ABRAXAS1: variants seen among roughly 807,000 people sequenced by gnomAD.
The protein encoded by ABRAXAS1 is abraxas 1, BRCA1 A complex subunit.
In ABRAXAS1, 26 loss-of-function variants were observed where a neutral mutation model predicts 38.4. That is an observed-to-expected ratio of 0.68 (90% CI 0.50 to 0.94). ABRAXAS1 has a LOEUF of 0.94. Ranked by LOEUF, ABRAXAS1 falls within the 40% of genes least tolerant of loss-of-function variation. The probability of loss-of-function intolerance (pLI) is 0.00; values close to 1 mark genes in which losing one functional copy is unlikely to be tolerated. For missense variants in ABRAXAS1, 438 were observed against 481.9 expected, an observed-to-expected ratio of 0.91 and a Z score of 0.85; for synonymous variants, 144 against 165.5, an observed-to-expected ratio of 0.87 and a Z score of 1.00.
intron 7 of ABRAXAS1, among the ~76,000 whole-genome samples, chr4:83,465,760 C>A (rs1368741954): frequency 6.6e-6 from 1 of 152,096 alleles, no homozygotes; most frequent in Non-Finnish European, 1.5e-5. Flanking sequence ...TGCTCTCCAG[C>A]CTGGGTAACA....
chr4:83,472,695 C>CA (rs1344925189), intron 3 of ABRAXAS1, among the ~76,000 whole-genome samples: 1 of 152,046 alleles, frequency 6.6e-6, no homozygotes, highest in Non-Finnish European at 1.5e-5. Context: ...AGCACAATAA[C>CA]AAAAAGACTA....
intron 2 of ABRAXAS1, chr4:83,477,636 C>G: frequency 5.8e-6 from 3 of 514,014 alleles, no homozygotes; most frequent in Non-Finnish European, 7.6e-6. Flanking sequence ...TGGACCTTGC[C>G]AAAACACGAC....
chr4:83,467,660 AT>A, intron 6 of ABRAXAS1, 122 bp from the exon 7 acceptor site: 1 of 605,990 alleles, frequency 1.7e-6, no homozygotes. Context: ...AGGAACCATA[AT>A]TTTGTCAATC....
intron 3 of ABRAXAS1, among the ~76,000 whole-genome samples, chr4:83,475,787 C>A (rs569454420): frequency 6.6e-6 from 1 of 152,170 alleles, no homozygotes; most frequent in South Asian, 2.1e-4. Context: ...TACTTTTCTA[C>A]GTGTATGTTA....
rs1722045869 is a variant in ABRAXAS1, at chr4:83,460,455, C to G, written c.*2014G>C. On this transcript the variant is annotated 3_prime_UTR_variant, in exon 9 of 9. Coordinates refer to ENST00000321945, the MANE Select transcript of ABRAXAS1 (RefSeq NM_139076.3). ...CAGGTGTGAGCCACTGCACCCAACC[C>G]CACTTGTTTTTGTAGTTTTGTTTAC... 2 of 153,494 alleles carry G rather than the reference C, an allele frequency of 1.3e-5. No homozygotes were observed. Among genetic ancestry groups the G allele is most frequent in the Admixed American group, 1.3e-4 (2 of 15,328 alleles). 9.5% of individuals were successfully genotyped at this position (153,494 alleles called of 1,614,324 possible).
In ABRAXAS1 at chr4:83,461,910, A is replaced by G. The variant is rs1193726658; in HGVS notation, c.*559T>C. ...TTTAAATTTTAGATGATGTTTTGCA[A>G]ATTTATTGCATGATATCCAGCATTT... On this transcript the variant is annotated 3_prime_UTR_variant, in exon 9 of 9. Coordinates refer to ENST00000321945, the MANE Select transcript of ABRAXAS1 (RefSeq NM_139076.3). 3 of 229,574 alleles carry G rather than the reference A, an allele frequency of 1.3e-5. No individual in the cohort carries two copies. Among genetic ancestry groups the G allele is most frequent in the Non-Finnish European group, 2.6e-5 (3 of 115,964 alleles). 14.2% of individuals were successfully genotyped at this position (229,574 alleles called of 1,614,324 possible).
At position 83,460,466 on chromosome 4, in the gene ABRAXAS1, T is replaced by G. The variant is rs1354735681; in HGVS notation, c.*2003A>C. 2 of 153,976 alleles carry G rather than the reference T, an allele frequency of 1.3e-5. No individual in the cohort carries two copies. The highest frequency in any genetic ancestry group is 4.8e-5 in the African/African-American group (2 of 41,448). The allele number at this position is 153,976 out of a possible 1,614,324, so 9.5% of individuals were successfully genotyped here. A position where few individuals can be genotyped will look rare whatever the true frequency, so the allele number is the denominator to read the frequency against. On this transcript the variant is annotated 3_prime_UTR_variant, in exon 9 of 9. Transcript: ENST00000321945. ...CACTGCACCCAACCCCACTTGTTTT[T>G]GTAGTTTTGTTTACGTAGTGCCATA...
intron 7 of ABRAXAS1, among the ~76,000 whole-genome samples, chr4:83,465,167 G>A (rs998354499): frequency 6.6e-6 from 1 of 151,712 alleles, no homozygotes; most frequent in Non-Finnish European, 1.5e-5. Context: ...GTAGTGGTGG[G>A]TGCGTGTAAT....
intron 3 of ABRAXAS1, among the ~76,000 whole-genome samples, chr4:83,473,948 G>A (rs1293347262): frequency 6.6e-6 from 1 of 151,230 alleles, no homozygotes; most frequent in Non-Finnish European, 1.5e-5. Flanking sequence ...CCTGGCCAAC[G>A]TGGCAAAACC....
At position 83,482,247 on chromosome 4, in the gene ABRAXAS1, A is replaced by G. The variant is rs1419334464; in HGVS notation, c.88-3T>C. On this transcript the variant is annotated splice_polypyrimidine_tract_variant and splice_region_variant and intron_variant, in intron 1 of 8. Coordinates refer to ENST00000321945, the MANE Select transcript of ABRAXAS1 (RefSeq NM_139076.3). ...ACTTCCCCAAGAAGAAAACCTTCCT[A>G]TGAAGATAAAGAGGCAATATATAGA... 9 of 1,590,028 alleles carry G rather than the reference A, an allele frequency of 5.7e-6. No individual in the cohort carries two copies. Among genetic ancestry groups the G allele is most frequent in the Non-Finnish European group, 7.7e-6 (9 of 1,161,824 alleles).
chr4:83,463,414 C>T, intron 8 of ABRAXAS1, 80 bp downstream of exon 8: 1 of 1,015,186 alleles, frequency 9.9e-7, no homozygotes, highest in South Asian at 1.6e-5. Context: ...ACCTAGGCGA[C>T]AGAGCGAGAC....
At chr4:83,472,452 A>C (rs1722617030) in intron 3 of ABRAXAS1, among the ~76,000 whole-genome samples, 164 bp from the exon 4 acceptor site, 1 of 152,204 alleles carries the variant, frequency 6.6e-6, no homozygotes, top group Non-Finnish European at 1.5e-5. Context: ...TTCTCAAATT[A>C]ACTGACTTAA....
At chr4:83,469,318 T>C (rs1722497667) in intron 5 of ABRAXAS1, 167 bp from the exon 6 acceptor site, 1 of 392,318 alleles carries the variant, frequency 2.5e-6, no homozygotes, top group Non-Finnish European at 4.5e-6. Flanking sequence ...AAACAACTGT[T>C]TTTTTTTTTT....
At chr4:83,468,557 T>G (rs186440171) in intron 6 of ABRAXAS1, among the ~76,000 whole-genome samples, 55 of 152,288 alleles carry the variant, frequency 3.6e-4, no homozygotes, top group Non-Finnish European at 6.3e-4. Context: ...TTGGCTAAAG[T>G]CTGATTTTTA....
At chr4:83,473,967 A>G (rs569995240) in intron 3 of ABRAXAS1, among the ~76,000 whole-genome samples, 28 of 151,382 alleles carry the variant, frequency 1.8e-4, no homozygotes, top group African/African-American at 6.0e-4. Flanking sequence ...CCCCATCTCT[A>G]CTAAAAATAC....
At chr4:83,464,586 A>C (rs1022842452) in intron 7 of ABRAXAS1, among the ~76,000 whole-genome samples, 1 of 152,186 alleles carries the variant, frequency 6.6e-6, no homozygotes, top group Admixed American at 6.5e-5. Context: ...ACTTTTTAGG[A>C]TGTCTGCCAA....
intron 6 of ABRAXAS1, among the ~76,000 whole-genome samples, 182 bp from the exon 7 acceptor site, chr4:83,467,720 A>G (rs1295642397): frequency 4.6e-5 from 7 of 152,218 alleles, no homozygotes; most frequent in Non-Finnish European, 1.0e-4. Context: ...ATTGATCTTC[A>G]CATTAGCAAA....
intron 1 of ABRAXAS1, 34 bp downstream of exon 1, chr4:83,484,952 G>T (rs768137758): frequency 1.3e-6 from 2 of 1,541,606 alleles, no homozygotes; most frequent in African/African-American, 2.8e-5. Flanking sequence ...CTCTTCCCAG[G>T]CGACGCCGGA....
chr4:83,484,485 T>C (rs746266907), intron 1 of ABRAXAS1, among the ~76,000 whole-genome samples: 5 of 152,236 alleles, frequency 3.3e-5, no homozygotes, highest in Non-Finnish European at 7.3e-5. Context: ...AGCTGTTCCA[T>C]CCACTAAGAT....
Sources: gnomAD v4.1 joint callset for allele counts (sites outside exome capture counted in the v4.1 genomes callset) on GRCh38, gnomAD v4.1.1 for gene constraint, MANE v1.5 for transcripts, NCBI Gene and HGNC (gene_info 2026-07-23, HGNC 2026-07-21) for gene names.